CELF2: variants seen among roughly 807,000 people sequenced by gnomAD.
The protein encoded by CELF2 is CUGBP Elav-like family member 2, also known as CUG triplet repeat RNA-binding protein 2.
CELF2 carries 8 observed loss-of-function variants against 62.6 expected under a neutral mutation model. That is an observed-to-expected ratio of 0.13 (90% CI 0.07 to 0.23). CELF2 has a LOEUF of 0.23. CELF2 is among the 10% of genes least tolerant of loss of function. CELF2 has a pLI of 1.00. For missense variants in CELF2, 333 were observed against 671.0 expected, an observed-to-expected ratio of 0.50 and a Z score of 5.56; for synonymous variants, 258 against 250.0, an observed-to-expected ratio of 1.03 and a Z score of -0.30.
chr10:10,645,286 C>A, the CELF2 span, among the ~76,000 whole-genome samples: 8 of 152,178 alleles, frequency 5.3e-5, no homozygotes, highest in Non-Finnish European at 7.4e-5. Flanking sequence ...GTACTCCACC[C>A]TACTCACATA....
chr10:11,150,412 A>G (rs566539544), intron 1 of CELF2, among the ~76,000 whole-genome samples: 1 of 152,362 alleles, frequency 6.6e-6, no homozygotes, highest in Non-Finnish European at 1.5e-5. Flanking sequence ...GACTTCCTTC[A>G]TAATCATACT....
the CELF2 span, among the ~76,000 whole-genome samples, chr10:10,639,839 A>G: frequency 2.0e-5 from 3 of 152,188 alleles, no homozygotes; most frequent in Non-Finnish European, 4.4e-5. Flanking sequence ...GGGACCGTCA[A>G]TGAAGGAGAG....
At chr10:10,978,050 T>C (rs543616256) in intron 2 of CELF2, among the ~76,000 whole-genome samples, 1 of 151,610 alleles carries the variant, frequency 6.6e-6, no homozygotes, top group African/African-American at 2.4e-5. Context: ...TGTTTTTTTT[T>C]TTCCAGAGAA....
At chr10:10,831,208 C>T (rs987908100) in intron 1 of CELF2, among the ~76,000 whole-genome samples, 2 of 152,182 alleles carry the variant, frequency 1.3e-5, no homozygotes, top group Non-Finnish European at 2.9e-5. Context: ...TAAATAACCA[C>T]GAGTCACCCA....
the CELF2 span, among the ~76,000 whole-genome samples, chr10:10,550,792 G>A: frequency 2.0e-3 from 310 of 151,904 alleles, 2 homozygotes; most frequent in Admixed American, 3.1e-3. Flanking sequence ...TCCGCCTCCC[G>A]GGTTCAAGTG....
At chr10:11,190,761 G>A (rs1173886657) in intron 2 of CELF2, among the ~76,000 whole-genome samples, 1 of 80,524 alleles carries the variant, frequency 1.2e-5, no homozygotes, top group Non-Finnish European at 2.3e-5. Context: ...GCTGGGTTTT[G>A]TATCTCTTTT....
At chr10:10,549,627 G>A in the CELF2 span, among the ~76,000 whole-genome samples, 1 of 152,084 alleles carries the variant, frequency 6.6e-6, no homozygotes, top group African/African-American at 2.4e-5. Context: ...CTTGCAAATG[G>A]TTGCCTTCTC....
At chr10:11,259,862 A>G (rs2079961992) in intron 5 of CELF2, among the ~76,000 whole-genome samples, 3 of 152,206 alleles carry the variant, frequency 2.0e-5, no homozygotes, top group Non-Finnish European at 4.4e-5. Flanking sequence ...ATGTAGAAAG[A>G]TGTGATCATA....
At chr10:10,577,366 T>TATTATTATTATTATC in the CELF2 span, among the ~76,000 whole-genome samples, 1 of 145,252 alleles carries the variant, frequency 6.9e-6, no homozygotes, top group Non-Finnish European at 1.5e-5. Context: ...CAAATCTTTT[T>TATTATTATTATTATC]ATTATTATTA....
At chr10:10,525,672 T>C in the CELF2 span, among the ~76,000 whole-genome samples, 1 of 152,248 alleles carries the variant, frequency 6.6e-6, no homozygotes, top group Non-Finnish European at 1.5e-5. Flanking sequence ...TTCCCTCTTC[T>C]TTAAGGCTGA....
At chr10:10,523,157 A>C in the CELF2 span, among the ~76,000 whole-genome samples, 30 of 152,298 alleles carry the variant, frequency 2.0e-4, no homozygotes, top group South Asian at 5.6e-3. Flanking sequence ...CTACAGATCA[A>C]CCTACCAGAT....
intron 1 of CELF2, among the ~76,000 whole-genome samples, chr10:11,038,380 A>G (rs1280323230): frequency 1.3e-5 from 2 of 152,204 alleles, no homozygotes; most frequent in African/African-American, 4.8e-5. Flanking sequence ...TATATCACCA[A>G]GTTGTACTGG....
chr10:10,698,374 A>C, the CELF2 span, among the ~76,000 whole-genome samples: 1 of 152,244 alleles, frequency 6.6e-6, no homozygotes. Context: ...CATCTGGAAC[A>C]AGTAAATAAC....
the CELF2 span, among the ~76,000 whole-genome samples, chr10:10,662,339 A>C: frequency 6.6e-6 from 1 of 152,216 alleles, no homozygotes; most frequent in Non-Finnish European, 1.5e-5. Flanking sequence ...ATATTTGCCC[A>C]GGCTTAAGAT....
At chr10:10,701,796 G>T in the CELF2 span, among the ~76,000 whole-genome samples, 3 of 152,158 alleles carry the variant, frequency 2.0e-5, no homozygotes, top group South Asian at 2.1e-4. Context: ...CCATCACCTC[G>T]CTTAGAGACC....
intron 1 of CELF2, among the ~76,000 whole-genome samples, chr10:11,131,831 G>A (rs75747782): frequency 0.04 from 6,046 of 152,182 alleles, 142 homozygotes; most frequent in Middle Eastern, 0.048. Flanking sequence ...TTGACCCAGG[G>A]GTCTAGTATT....
intron 2 of CELF2, among the ~76,000 whole-genome samples, chr10:10,921,579 T>A (rs2064918441): frequency 6.6e-6 from 1 of 152,144 alleles, no homozygotes; most frequent in African/African-American, 2.4e-5. Flanking sequence ...TGTCAGATGT[T>A]TCCAAAAGAG....
chr10:10,732,259 G>C, the CELF2 span, among the ~76,000 whole-genome samples: 1 of 152,142 alleles, frequency 6.6e-6, no homozygotes, highest in Admixed American at 6.5e-5. Flanking sequence ...CACACCCCTA[G>C]GCGGAGACTG....
chr10:11,009,516 CT>C (rs758796856), intron 1 of CELF2, among the ~76,000 whole-genome samples: 47 of 152,308 alleles, frequency 3.1e-4, no homozygotes, highest in Non-Finnish European at 5.4e-4. Flanking sequence ...CCCCCCACAG[CT>C]TTCTTCTGAG....
Sources: allele counts gnomAD v4.1 joint callset (sites outside exome capture counted in the v4.1 genomes callset), GRCh38; gene constraint gnomAD v4.1.1; transcripts MANE v1.5; gene names NCBI Gene and HGNC (gene_info 2026-07-23, HGNC 2026-07-21).